The following KMT2D variants were observed in gnomAD, a reference collection of about 807,000 sequenced individuals.
The protein encoded by KMT2D is lysine methyltransferase 2D.
A neutral mutation model predicts 512.7 loss-of-function variants in KMT2D; 55 were observed. The ratio of observed to expected loss-of-function variants is 0.11; its 90% CI spans 0.09 to 0.13. KMT2D has a LOEUF of 0.13. KMT2D is among the 10% of genes least tolerant of loss of function. The pLI, the probability that KMT2D is intolerant of heterozygous loss-of-function variation, is 1.00. For missense variants in KMT2D, 6,061 were observed against 7,127.9 expected (o/e 0.85, Z 5.39); for synonymous variants, 2,995 against 2,904.0 (o/e 1.03, Z -1.01).
rs1943336210 is a variant in KMT2D, at chr12:49,038,571, G to A, written c.8785C>T (p.Leu2929Phe). 2 of 1,612,368 alleles carry A rather than the reference G, an allele frequency of 1.2e-6. No individual in the cohort carries two copies. Among genetic ancestry groups the A allele is most frequent in the South Asian group, 2.2e-5 (2 of 91,074 alleles). ...GGGGCTGAGGGTTTCTGTGGGGGAA[G>A]ACCTGATACCGCCAGGCCCCGAAGC... ...EGLRGLAVSGLPPQKPSAPPA... is the reference protein window; with the variant it reads ...EGLRGLAVSGFPPQKPSAPPA... The change falls in exon 35 of 55, where the codon CTT becomes TTT. Residue 2929 changes from leucine to phenylalanine, a missense_variant. Physicochemically the swap from Leu to Phe is conservative, Grantham distance 22 (BLOSUM62 0). This residue lies in a region of KMT2D where 527 missense variants were observed against 578.9 expected (regional missense o/e 0.91). Transcript: ENST00000301067. This position sits in a 1 kb window ranked among gnomAD's most constrained non-coding sequence, Gnocchi z 5.7.
At position 49,029,192 on chromosome 12, in the gene KMT2D, G is replaced by A. The variant is rs2120393563; in HGVS notation, c.14120C>T (p.Pro4707Leu). The change falls in exon 45 of 55, where the codon CCA (proline) becomes CTA (leucine). Residue 4707 changes from proline (P) to leucine (L), a missense_variant. Physicochemically the swap from Pro to Leu is moderately conservative, Grantham distance 98. Coordinates refer to ENST00000301067, the MANE Select transcript of KMT2D (RefSeq NM_003482.4). ...EDSDSPDSIV[P>L]ASSPESILGE... is the part of the protein sequence containing the mutation. ...CAAGATGCTCTCAGGGGATGAAGCT[G>A]GCACAATGCTGTCAGGAGAATCGCT... is the stretch of plus-strand genomic sequence containing the variant. 6.2e-7 allele frequency: 1 copy of A among 1,613,926 alleles called. No homozygotes were observed. The highest frequency in any genetic ancestry group is 2.2e-5 in the East Asian group (1 of 44,882).
chr12:49,049,383 C>T (rs1159829345), intron 12 of KMT2D, among the ~76,000 whole-genome samples, 165 bp from the exon 13 acceptor site: 1 of 152,170 alleles, frequency 6.6e-6, no homozygotes, highest in Non-Finnish European at 1.5e-5. Flanking sequence ...TATCAACAAG[C>T]GCATAGCTCT....
rs772506992 is a variant in KMT2D at position 49,041,456 on chromosome 12, C to G, written c.6314G>C (p.Arg2105Pro). The G allele has an allele frequency of 6.2e-7, 1 of 1,613,082 alleles. No homozygotes were observed. The highest frequency in any genetic ancestry group is 1.1e-5 in the South Asian group (1 of 91,074). Reference protein sequence around the residue: ...RKTDRPALHLRIPPQPGALGS... With the variant: ...RKTDRPALHLPIPPQPGALGS... ...CAGTGCCCCTGGCTGCGGGGGAATGCGGAGATGTAGGGCCGGTCGGTCAGT... is the reference window on the plus strand; with the variant it reads ...CAGTGCCCCTGGCTGCGGGGGAATGGGGAGATGTAGGGCCGGTCGGTCAGT... The change falls in exon 32 of 55, where the codon CGC (arginine) becomes CCC (proline). Residue 2105 changes from arginine to proline, a missense_variant. Physicochemically the swap from Arg to Pro is moderately radical, Grantham distance 103 (BLOSUM62 -2). Around this residue, in one of 16 missense-constraint regions of KMT2D, gnomAD observed 710 missense variants for 647.3 expected, o/e 1.10. Transcript: ENST00000301067. The surrounding 1 kb of genome is among the most constrained non-coding windows in gnomAD (Gnocchi z 5.4).
intron 43 of KMT2D, 108 bp downstream of exon 43, chr12:49,030,172 C>G: frequency 1.1e-6 from 1 of 934,360 alleles, no homozygotes; most frequent in Non-Finnish European, 1.6e-6. Flanking sequence ...GTTATGTAAA[C>G]ACACAGGACA....
At position 49,046,695 on chromosome 12, in the gene KMT2D, G is replaced by A. The variant is rs2120611366; in HGVS notation, c.4332C>T (p.Leu1444=). 6.2e-7 allele frequency: 1 copy of A among 1,613,958 alleles called. No individual in the cohort carries two copies. The highest frequency in any genetic ancestry group is 8.5e-7 in the Non-Finnish European group (1 of 1,179,892). The change falls in exon 16 of 55, where the codon CTC becomes CTT. Residue 1444 remains leucine, a synonymous_variant. Coordinates refer to ENST00000301067, the MANE Select transcript of KMT2D (RefSeq NM_003482.4). This position sits in a 1 kb window ranked among gnomAD's most constrained non-coding sequence, Gnocchi z 4.2. Reference sequence around the variant, plus strand: ...GGTAGCTAATATCACAGTCATCACAGAGCAGCAGGCGTGAGGGGTCGGAGG... The same window carrying A: ...GGTAGCTAATATCACAGTCATCACAAAGCAGCAGGCGTGAGGGGTCGGAGG... The part of the protein sequence containing the change: ...GQASDPSRLL[L]CDDCDISYHT...
rs137934366 is a variant in KMT2D, at chr12:49,038,335, T to A, written c.9021A>T (p.Glu3007Asp). Residue 3007 changes from glutamate to aspartate, a missense_variant, in exon 35 of 55, where the codon GAA becomes GAT. Glu to Asp is a conservative substitution (Grantham distance 45). Around this residue, in one of 16 missense-constraint regions of KMT2D, gnomAD observed 527 missense variants for 578.9 expected, o/e 0.91. Coordinates refer to ENST00000301067, the MANE Select transcript of KMT2D (RefSeq NM_003482.4). The surrounding 1 kb of genome is among the most constrained non-coding windows in gnomAD (Gnocchi z 5.7). Reference sequence around the variant, plus strand: ...CACCCAGACCCAGGTGAGCAAGCTCTTCATCATCCTCTAGGGCCTTGTGGG... The same window carrying A: ...CACCCAGACCCAGGTGAGCAAGCTCATCATCATCCTCTAGGGCCTTGTGGG... ...FDAHKALEDD[E>D]ELAHLGLGVD... 1 of 1,613,868 alleles carries A rather than the reference T, an allele frequency of 6.2e-7. No individual in the cohort carries two copies. Among genetic ancestry groups the A allele is most frequent in the African/African-American group, 1.3e-5 (1 of 75,028 alleles).
chr12:49,054,805 T>G lies in KMT2D; in HGVS notation c.177-54A>C. The G allele has an allele frequency of 6.2e-7, 1 of 1,605,470 alleles. No individual in the cohort carries two copies. Among genetic ancestry groups the G allele is most frequent in the Non-Finnish European group, 8.5e-7 (1 of 1,173,066 alleles). ...CCAGGCCCCCAGCAACCCCATGATC[T>G]GGCATGCCCATGCTTCCCCAACACT... is the stretch of plus-strand genomic sequence containing the variant. On this transcript the variant is annotated intron_variant, in intron 3 of 54. Transcript: ENST00000301067. The surrounding 1 kb of genome is among the most constrained non-coding windows in gnomAD (Gnocchi z 6.4).
In KMT2D at chr12:49,041,419, G is replaced by A; in HGVS notation, c.6351C>T (p.Pro2117=). The A allele has an allele frequency of 1.9e-6, 3 of 1,606,326 alleles. No homozygotes were observed. In the South Asian group the frequency reaches 3.3e-5, roughly 18 times the overall value. ...TGAAAATGGTGGGGGCAGCAGCGGG[G>A]GGCGGGCTGCCCAGTGCCCCTGGCT... ...PPQPGALGSP[P]PAAAPTIFIG... Residue 2117 remains proline, a synonymous_variant, in exon 32 of 55, where the codon CCC becomes CCT. Coordinates refer to ENST00000301067, the MANE Select transcript of KMT2D (RefSeq NM_003482.4). This position sits in a 1 kb window ranked among gnomAD's most constrained non-coding sequence, Gnocchi z 5.4.
rs775591881 is a variant in KMT2D, at chr12:49,054,442, GA to G, written c.401-27del. On this transcript the variant is annotated intron_variant, in intron 4 of 54. Coordinates refer to ENST00000301067, the MANE Select transcript of KMT2D (RefSeq NM_003482.4). The surrounding 1 kb of genome is among the most constrained non-coding windows in gnomAD (Gnocchi z 6.4). ...CTTTACAGGTGGGAAGAGGTAAAGA[GA>G]AAGGAAAGAATTAACAAAAAGAGGA... is the stretch of plus-strand genomic sequence containing the variant. 2.5e-6 allele frequency: 4 copies of G among 1,569,494 alleles called. No individual in the cohort carries two copies. Among genetic ancestry groups the G allele is most frequent in the Non-Finnish European group, 3.5e-6 (4 of 1,156,636 alleles).
Position 49,037,546 on chromosome 12 carries a change from C to A in KMT2D, c.9810G>T (p.Leu3270Phe). The stretch of plus-strand genomic sequence containing the variant: ...GTTGCTGCTGCTGCTGGGCAGGCTG[C>A]AACTGTGCTGAAAGCTGCTGCTTCT... The part of the protein sequence containing the change: ...LQKKQQLSAQ[L>F]QPAQQQQQQQ... The change falls in exon 35 of 55, where the codon TTG becomes TTT. Residue 3270 changes from leucine to phenylalanine, a missense_variant. This residue lies in a region of KMT2D where 533 missense variants were observed against 539.6 expected (regional missense o/e 0.99). Transcript: ENST00000301067. The A allele has an allele frequency of 6.4e-7, 1 of 1,554,308 alleles. No individual in the cohort carries two copies.
Position 49,034,855 on chromosome 12 carries a change from C to T in KMT2D, c.10312G>A (p.Val3438Met), listed in dbSNP as rs35087111. The change falls in exon 36 of 55, where the codon GTG becomes ATG. Residue 3438 changes from valine (V) to methionine (M), a missense_variant. Physicochemically the swap from Val to Met is conservative, Grantham distance 21. This residue lies in a region of KMT2D where 533 missense variants were observed against 539.6 expected (regional missense o/e 0.99). Coordinates refer to ENST00000301067, the MANE Select transcript of KMT2D (RefSeq NM_003482.4). ...KMVALKGIKK[V>M]MAQGSIGVAP... ...ACCCCAATGCTGCCCTGAGCCATCA[C>T]TTTCTTGATGCCTTTCAAAGCCACC... 133 of 1,613,918 alleles carry T rather than the reference C, an allele frequency of 8.2e-5. No homozygotes were observed. Among genetic ancestry groups the T allele is most frequent in the Non-Finnish European group, 1.1e-4 (131 of 1,179,910 alleles).
chr12:49,019,302 T>A lies in KMT2D; in HGVS notation c.*2478A>T. Reference sequence around the variant, plus strand: ...TCCTGGAGGTGAGGGGAGAAGACTGTAAAGGGGAAAACTGAAAACTGAGTA... The same window carrying A: ...TCCTGGAGGTGAGGGGAGAAGACTGAAAAGGGGAAAACTGAAAACTGAGTA... On this transcript the variant is annotated 3_prime_UTR_variant, in exon 55 of 55. Coordinates refer to ENST00000301067, the MANE Select transcript of KMT2D (RefSeq NM_003482.4). 1 of 357,418 alleles carries A rather than the reference T, an allele frequency of 2.8e-6. No homozygotes were observed. Among genetic ancestry groups the A allele is most frequent in the Non-Finnish European group, 3.8e-6 (1 of 265,734 alleles). 22.1% of individuals were successfully genotyped at this position (357,418 alleles called of 1,614,324 possible). A position where few individuals can be genotyped will look rare whatever the true frequency, so the allele number is the denominator to read the frequency against.
Position 49,020,305 on chromosome 12 carries a change from G to C in KMT2D, c.*1475C>G, listed in dbSNP as rs1433848440. The C allele has an allele frequency of 5.7e-6, 1 of 174,196 alleles. No homozygotes were observed. The highest frequency in any genetic ancestry group is 1.2e-5 in the Non-Finnish European group (1 of 80,788). 10.8% of individuals were successfully genotyped at this position (174,196 alleles called of 1,614,324 possible). On this transcript the variant is annotated 3_prime_UTR_variant, in exon 55 of 55. Transcript: ENST00000301067. Reference sequence around the variant, plus strand: ...CAGGGGGTGGGGAGTGGGGTGGGGGGTGAGGAAAAGGGCGGTAGGTCGGGT... The same window carrying C: ...CAGGGGGTGGGGAGTGGGGTGGGGGCTGAGGAAAAGGGCGGTAGGTCGGGT...
chr12:49,024,966 G>A lies in KMT2D; in HGVS notation c.15785-20C>T, dbSNP rs376216547. 64 of 1,578,798 alleles carry A rather than the reference G, an allele frequency of 4.1e-5. No individual in the cohort carries two copies. The highest frequency in any genetic ancestry group is 4.9e-5 in the Non-Finnish European group (57 of 1,162,274). On this transcript the variant is annotated intron_variant, in intron 49 of 54. Transcript: ENST00000301067. This position sits in a 1 kb window ranked among gnomAD's most constrained non-coding sequence, Gnocchi z 4.5. The stretch of plus-strand genomic sequence containing the variant: ...ACACGGCTAAGAAGCAGGGAAGAGA[G>A]CAGTCCTCAGAGGCAACTTCTGCTC...
rs746355138 is a variant in KMT2D, at chr12:49,040,991, C to T, written c.6779G>A (p.Ser2260Asn). 1.2e-6 allele frequency: 2 copies of T among 1,600,962 alleles called. No homozygotes were observed. Among genetic ancestry groups the T allele is most frequent in the East Asian group, 2.2e-5 (1 of 44,722 alleles). ...PSLDNLAVPE[S>N]PGVGGGKASE... ...AGCTTTGCCTCCCCCTACCCCAGGG[C>T]TCTCAGGCACAGCCAAGTTATCCAG... Residue 2260 changes from serine to asparagine, a missense_variant, in exon 32 of 55, where the codon AGC becomes AAC. Ser to Asn is a conservative substitution (Grantham distance 46). Transcript: ENST00000301067.
intron 35 of KMT2D, among the ~76,000 whole-genome samples, chr12:49,035,334 C>T (rs1161298114): frequency 2.6e-5 from 4 of 152,148 alleles, no homozygotes; most frequent in Non-Finnish European, 5.9e-5. Flanking sequence ...GTTCTTAGTC[C>T]AACTAGCACA....
In KMT2D at chr12:49,021,028, A is replaced by G; in HGVS notation, c.*752T>C. The G allele has an allele frequency of 5.1e-6, 1 of 195,832 alleles. No individual in the cohort carries two copies. Among genetic ancestry groups the G allele is most frequent in the Non-Finnish European group, 1.1e-5 (1 of 94,300 alleles). The allele number at this position is 195,832 out of a possible 1,614,324, so 12.1% of individuals were successfully genotyped here. A position where few individuals can be genotyped will look rare whatever the true frequency, so the allele number is the denominator to read the frequency against. ...TCAGAAGAGGGCAGTGAGGTGGGGG[A>G]GAGGGTTGGGGCAGTAGGGGGCTTG... On this transcript the variant is annotated 3_prime_UTR_variant, in exon 55 of 55. Transcript: ENST00000301067.
At position 49,029,166 on chromosome 12, in the gene KMT2D, C is replaced by T. The variant is rs759084640; in HGVS notation, c.14146G>A (p.Gly4716Arg). 1 of 1,613,790 alleles carries T rather than the reference C, an allele frequency of 6.2e-7. No individual in the cohort carries two copies. The highest frequency in any genetic ancestry group is 1.7e-5 in the Admixed American group (1 of 60,000). ...VPASSPESILGEEAPRFPHLG... is the reference protein window; with the variant it reads ...VPASSPESILREEAPRFPHLG... ...TGAGGGAAACGAGGGGCCTCCTCCC[C>T]CAAGATGCTCTCAGGGGATGAAGCT... The change falls in exon 45 of 55, where the codon GGG becomes AGG. Residue 4716 changes from glycine (G) to arginine (R), a missense_variant. Coordinates refer to ENST00000301067, the MANE Select transcript of KMT2D (RefSeq NM_003482.4).
At position 49,040,306 on chromosome 12, in the gene KMT2D, C is replaced by G. The variant is rs907068999; in HGVS notation, c.7464G>C (p.Ser2488=). 3 of 1,590,696 alleles carry G rather than the reference C, an allele frequency of 1.9e-6. No individual in the cohort carries two copies. Among genetic ancestry groups the G allele is most frequent in the Admixed American group, 3.5e-5 (2 of 57,606 alleles). The change falls in exon 32 of 55, where the codon TCG becomes TCC. Residue 2488 remains serine (S), a synonymous_variant. Coordinates refer to ENST00000301067, the MANE Select transcript of KMT2D (RefSeq NM_003482.4). ...AFKAGSLAHT[S]LGAGGFPAAL... ...CTGCTGGGAACCCCCCAGCCCCCAGCGAAGTGTGGGCTAGAGACCCAGCCT... is the reference window on the plus strand; with the variant it reads ...CTGCTGGGAACCCCCCAGCCCCCAGGGAAGTGTGGGCTAGAGACCCAGCCT...
Sources: allele counts gnomAD v4.1 joint callset (sites outside exome capture counted in the v4.1 genomes callset), GRCh38; gene constraint gnomAD v4.1.1; regional missense constraint gnomAD v4.1.1; non-coding constraint Gnocchi (gnomAD v3.1); transcripts MANE v1.5; gene names NCBI Gene and HGNC (gene_info 2026-07-23, HGNC 2026-07-21).